ARHGEF11: variants seen among roughly 807,000 people sequenced by gnomAD.
ARHGEF11 encodes Rho guanine nucleotide exchange factor 11.
Under a neutral mutation model 193.7 loss-of-function variants are expected in ARHGEF11, and 55 were observed. The ratio of observed to expected loss-of-function variants is 0.28; its 90% CI spans 0.23 to 0.36. The LOEUF is 0.36. Ranked by LOEUF, ARHGEF11 falls within the 10% of genes least tolerant of loss-of-function variation. The probability of loss-of-function intolerance (pLI) is 1.00; values close to 1 mark genes in which losing one functional copy is unlikely to be tolerated. For synonymous variants in ARHGEF11, 693 were observed against 768.0 expected (o/e 0.90, Z 1.62); for missense variants, 1,723 against 2,005.6 (o/e 0.86, Z 2.69).
intron 1 of ARHGEF11, among the ~76,000 whole-genome samples, chr1:156,999,972 T>A (rs951091451): frequency 1.3e-5 from 2 of 152,242 alleles, no homozygotes; most frequent in Non-Finnish European, 2.9e-5. Context: ...AGTATCTTTT[T>A]AAAATTTTTT....
intron 32 of ARHGEF11, among the ~76,000 whole-genome samples, chr1:156,943,625 T>C (rs537588939): frequency 6.6e-6 from 1 of 152,322 alleles, no homozygotes; most frequent in Admixed American, 6.5e-5. Context: ...TTCTGCCTAA[T>C]CCCATTCTTC....
At chr1:156,986,047 G>T in intron 2 of ARHGEF11, 35 bp downstream of exon 2, 1 of 1,561,192 alleles carries the variant, frequency 6.4e-7, no homozygotes, top group South Asian at 1.1e-5. Context: ...CACCATGCCT[G>T]GCTGTTTTTG....
Position 156,976,980 on chromosome 1 carries a change from T to A in ARHGEF11, c.582+3A>T, listed in dbSNP as rs762167121. The A allele has an allele frequency of 1.2e-6, 2 of 1,613,944 alleles. No individual in the cohort carries two copies. ...GCCAGTCTACCCTTGGCAGTGACCT[T>A]ACCTGTAATTCTTTTTCTTCCTGCC... On this transcript the variant is annotated splice_donor_region_variant and intron_variant, in intron 7 of 40. Coordinates refer to ENST00000368194, the MANE Select transcript of ARHGEF11 (RefSeq NM_198236.3).
intron 1 of ARHGEF11, among the ~76,000 whole-genome samples, chr1:156,992,995 G>A (rs929639158): frequency 6.6e-6 from 1 of 152,206 alleles, no homozygotes; most frequent in Non-Finnish European, 1.5e-5. Flanking sequence ...TCACAAATGT[G>A]TAAATGAGGA....
At chr1:156,957,897 T>C in intron 17 of ARHGEF11, 82 bp from the exon 18 acceptor site, 3 of 1,409,828 alleles carry the variant, frequency 2.1e-6, no homozygotes, top group Non-Finnish European at 2.0e-6. Flanking sequence ...GGAGGGTAAG[T>C]TTTTCCTAGA....
At chr1:156,957,416 G>A (rs1660111844) in intron 18 of ARHGEF11, among the ~76,000 whole-genome samples, 1 of 152,216 alleles carries the variant, frequency 6.6e-6, no homozygotes, top group Non-Finnish European at 1.5e-5. Flanking sequence ...TCACTAACAG[G>A]CTGATTCCAC....
chr1:156,985,730 CTTTT>C (rs56055266), intron 2 of ARHGEF11: 1 of 137,982 alleles, frequency 7.2e-6, no homozygotes, highest in South Asian at 2.3e-4. Context: ...AGCCATGTGC[CTTTT>C]TTTTTTTTTT....
intron 1 of ARHGEF11, among the ~76,000 whole-genome samples, chr1:157,030,632 C>G (rs1671182607): frequency 6.6e-6 from 1 of 151,776 alleles, no homozygotes; most frequent in African/African-American, 2.4e-5. Context: ...CAAGCCTTGA[C>G]AGGGGTATAG....
rs557165011 is a variant in ARHGEF11, at chr1:156,940,480, G to T, written c.3515-55C>A. On this transcript the variant is annotated intron_variant, in intron 35 of 40. Coordinates refer to ENST00000368194, the MANE Select transcript of ARHGEF11 (RefSeq NM_198236.3). ...AGGGAAAGGGAGAGGGCACGTATGG[G>T]AGAGCCTATGGGCAGCTTTGGAGCC... The T allele has an allele frequency of 2.0e-6, 3 of 1,514,646 alleles. No individual in the cohort carries two copies. The South Asian group carries it at 3.9e-5, about 20-fold the overall frequency. The allele number at this position is 1,514,646 out of a possible 1,614,324, so 93.8% of individuals were successfully genotyped here.
intron 20 of ARHGEF11, among the ~76,000 whole-genome samples, chr1:156,955,170 C>A (rs1659763401): frequency 1.3e-5 from 2 of 152,104 alleles, no homozygotes; most frequent in South Asian, 4.2e-4. Context: ...GAGGGGCCAG[C>A]AACAATTTCC....
At chr1:157,017,706 CAAAAAAAAAAAA>C (rs1047573559) in intron 1 of ARHGEF11, among the ~76,000 whole-genome samples, 12 of 41,550 alleles carry the variant, frequency 2.9e-4, no homozygotes, top group African/African-American at 9.6e-4. Flanking sequence ...GACTCCGTCT[CAAAAAAAAAAAA>C]AAAAAAAAAA....
At chr1:156,945,714 G>T in intron 29 of ARHGEF11, 1 of 297,846 alleles carries the variant, frequency 3.4e-6, no homozygotes, top group Non-Finnish European at 6.4e-6. Flanking sequence ...GCATGAATGG[G>T]GATAAAATCC....
rs146524321 is a variant in ARHGEF11 at position 156,976,938 on chromosome 1, A to G, written c.582+45T>C. On this transcript the variant is annotated intron_variant, in intron 7 of 40. Coordinates refer to ENST00000368194, the MANE Select transcript of ARHGEF11 (RefSeq NM_198236.3). ...TGGCAGGCTGCTCTGATAAAGTATT[A>G]TTTCACTCAGGCAATGGCCAGTCTA... 3.0e-4 allele frequency: 467 copies of G among 1,537,738 alleles called. 4 individuals carry two copies. The East Asian group carries it at 9.1e-3, about 30-fold the overall frequency.
intron 21 of ARHGEF11, among the ~76,000 whole-genome samples, chr1:156,953,102 C>T (rs991171256): frequency 6.6e-6 from 1 of 152,074 alleles, no homozygotes; most frequent in African/African-American, 2.4e-5. Context: ...AACTGAATGA[C>T]CCAGAGTAAC....
intron 1 of ARHGEF11, among the ~76,000 whole-genome samples, chr1:157,025,061 C>T (rs1217121911): frequency 6.6e-6 from 1 of 152,216 alleles, no homozygotes; most frequent in Non-Finnish European, 1.5e-5. Context: ...ACAGTGCAGG[C>T]ACATCAACTT....
intron 1 of ARHGEF11, among the ~76,000 whole-genome samples, chr1:157,029,183 A>G (rs1223930054): frequency 1.3e-5 from 2 of 151,866 alleles, no homozygotes; most frequent in Admixed American, 6.6e-5. Flanking sequence ...AAAAAAAAAA[A>G]AAAAGAAAGA....
intron 1 of ARHGEF11, among the ~76,000 whole-genome samples, chr1:157,028,441 T>C (rs914330517): frequency 6.6e-6 from 1 of 152,190 alleles, no homozygotes; most frequent in African/African-American, 2.4e-5. Context: ...AAAGGTTAAG[T>C]AACAGGAAAC....
intron 1 of ARHGEF11, among the ~76,000 whole-genome samples, chr1:157,023,897 A>G (rs1192986523): frequency 6.6e-6 from 1 of 152,232 alleles, no homozygotes; most frequent in African/African-American, 2.4e-5. Flanking sequence ...TAACATGCTA[A>G]ACACAGAGCT....
upstream of ARHGEF11, among the ~76,000 whole-genome samples, chr1:157,045,758 G>A (rs1238085809): frequency 6.7e-6 from 1 of 150,356 alleles, no homozygotes; most frequent in Non-Finnish European, 1.5e-5. Flanking sequence ...CGTCGCGGCC[G>A]CGCTCGCCTC....
Sources: gnomAD v4.1 joint callset for allele counts (sites outside exome capture counted in the v4.1 genomes callset) on GRCh38, gnomAD v4.1.1 for gene constraint, MANE v1.5 for transcripts, NCBI Gene and HGNC (gene_info 2026-07-23, HGNC 2026-07-21) for gene names.